OSBPL3: variants seen among roughly 807,000 people sequenced by gnomAD.
The protein encoded by OSBPL3 is oxysterol-binding protein-related protein 3.
Under a neutral mutation model 120.1 loss-of-function variants are expected in OSBPL3, and 65 were observed. The observed-to-expected ratio is 0.54, with a 90% CI of 0.44 to 0.67. OSBPL3 has a LOEUF of 0.67. Among genes scored for constraint, OSBPL3 ranks in the 30% least tolerant of loss-of-function variants. The pLI, the probability that OSBPL3 is intolerant of heterozygous loss-of-function variation, is 0.00. For synonymous variants in OSBPL3, 416 were observed against 402.6 expected (o/e 1.03, Z -0.40); for missense variants, 1,004 against 1,082.1 (o/e 0.93, Z 1.01).
chr7:24,914,778 C>G (rs1809312900), intron 1 of OSBPL3, among the ~76,000 whole-genome samples: 1 of 152,156 alleles, frequency 6.6e-6, no homozygotes, highest in African/African-American at 2.4e-5. Flanking sequence ...TACATGAGAT[C>G]AGCAGGGTTT....
chr7:24,886,516 C>T (rs938942918), intron 2 of OSBPL3, among the ~76,000 whole-genome samples: 1 of 152,236 alleles, frequency 6.6e-6, no homozygotes, highest in Admixed American at 6.5e-5. Flanking sequence ...CCCGCATGTT[C>T]TCCATGTATA....
intron 1 of OSBPL3, among the ~76,000 whole-genome samples, chr7:24,950,297 C>T (rs1814237101): frequency 6.6e-6 from 1 of 152,102 alleles, no homozygotes; most frequent in African/African-American, 2.4e-5. Flanking sequence ...TCTAGAGAAT[C>T]GAAATGCCTG....
intron 1 of OSBPL3, among the ~76,000 whole-genome samples, chr7:24,942,508 A>G (rs1813222553): frequency 6.6e-6 from 1 of 152,182 alleles, no homozygotes; most frequent in South Asian, 2.1e-4. Flanking sequence ...AGAATAGGGA[A>G]TCCTGCTATC....
rs1799333533 is a variant in OSBPL3, at chr7:24,852,842, T to A, written c.1028-208A>T. Among the ~76,000 whole-genome samples the A allele has an allele frequency of 6.6e-6, 1 of 152,182 alleles. No individual in the cohort carries two copies. The highest frequency in any genetic ancestry group is 1.5e-5 in the Non-Finnish European group (1 of 68,030). The stretch of plus-strand genomic sequence containing the variant: ...GTAAACTAAGGCCTCTGGATGATGA[T>A]GTGTCCACGTAGGTTCATTGACTGT... On this transcript the variant is annotated intron_variant, in intron 10 of 22. Coordinates refer to ENST00000313367, the MANE Select transcript of OSBPL3 (RefSeq NM_015550.4). This position sits in a 1 kb window ranked among gnomAD's most constrained non-coding sequence, Gnocchi z 4.1.
chr7:24,812,773 G>A (rs897561421), intron 19 of OSBPL3, among the ~76,000 whole-genome samples: 7 of 152,158 alleles, frequency 4.6e-5, no homozygotes, highest in Non-Finnish European at 8.8e-5. Flanking sequence ...GGTGGGGCAC[G>A]GAAGTGTCTC....
intron 15 of OSBPL3, among the ~76,000 whole-genome samples, chr7:24,832,768 G>T (rs1380731049): frequency 6.6e-6 from 1 of 152,190 alleles, no homozygotes; most frequent in Non-Finnish European, 1.5e-5. Context: ...ACAGAGCGAA[G>T]GGGAGGCAGA....
In OSBPL3 at chr7:24,808,058, G is replaced by C. The variant is rs1347722427; in HGVS notation, c.2318-1156C>G. On this transcript the variant is annotated intron_variant, in intron 20 of 22. Transcript: ENST00000313367. This position sits in a 1 kb window ranked among gnomAD's most constrained non-coding sequence, Gnocchi z 4.6. ...GACTACAGTAGATGCACACCACCAT[G>C]CCTGGCTAATCTTTGTATTTTTAGT... Among the ~76,000 whole-genome samples the C allele has an allele frequency of 1.3e-5, 2 of 152,058 alleles. No homozygotes were observed. The highest frequency in any genetic ancestry group is 2.9e-5 in the Non-Finnish European group (2 of 68,008).
intron 10 of OSBPL3, among the ~76,000 whole-genome samples, chr7:24,860,453 T>G (rs1800369605): frequency 6.6e-6 from 1 of 152,298 alleles, no homozygotes; most frequent in East Asian, 1.9e-4. Context: ...AGTAAATAAG[T>G]CTCATGAGAT....
rs989598649 is a variant in OSBPL3, at chr7:24,936,271, C to T, written c.-150+43615G>A. ...TCAAAGGAAGCTGAGACAGTGAATA[C>T]AGGCTGTTACTTAGGGCTAACTTTT... On this transcript the variant is annotated intron_variant, in intron 1 of 22. Coordinates refer to ENST00000313367, the MANE Select transcript of OSBPL3 (RefSeq NM_015550.4). This position sits in a 1 kb window ranked among gnomAD's most constrained non-coding sequence, Gnocchi z 4.2. Among the ~76,000 whole-genome samples, 3 of 152,162 alleles carry T rather than the reference C, an allele frequency of 2.0e-5. No individual in the cohort carries two copies. The highest frequency in any genetic ancestry group is 7.2e-5 in the African/African-American group (3 of 41,420).
chr7:24,828,606 G>GAAGAAAAAAA (rs1554349905), intron 16 of OSBPL3, among the ~76,000 whole-genome samples: 1 of 32,522 alleles, frequency 3.1e-5, no homozygotes, highest in Non-Finnish European at 5.3e-5. Flanking sequence ...GACTCTGTCT[G>GAAGAAAAAAA]AAAAAAAAAA....
At chr7:24,809,076 C>A (rs1266537043) in intron 20 of OSBPL3, among the ~76,000 whole-genome samples, 1 of 152,130 alleles carries the variant, frequency 6.6e-6, no homozygotes, top group Non-Finnish European at 1.5e-5. Flanking sequence ...GAGCCACCCC[C>A]CCCACTCACT....
intron 1 of OSBPL3, among the ~76,000 whole-genome samples, chr7:24,893,655 T>C (rs1805684180): frequency 7.1e-6 from 1 of 141,236 alleles, no homozygotes; most frequent in South Asian, 2.2e-4. Flanking sequence ...CTACTAAAAA[T>C]ACAAAAATTA....
chr7:24,798,315 C>T lies in OSBPL3; in HGVS notation c.*1868G>A, dbSNP rs1259406919. ...CTCTGGAGCAGGCCAATTTAACAGC[C>T]AATATTACCACGATTCTACATTTAT... On this transcript the variant is annotated 3_prime_UTR_variant, in exon 23 of 23. Coordinates refer to ENST00000313367, the MANE Select transcript of OSBPL3 (RefSeq NM_015550.4). The surrounding 1 kb of genome is among the most constrained non-coding windows in gnomAD (Gnocchi z 4.6). The T allele has an allele frequency of 1.3e-5, 2 of 152,192 alleles. No homozygotes were observed. Among genetic ancestry groups the T allele is most frequent in the African/African-American group, 4.8e-5 (2 of 41,440 alleles). The allele number at this position is 152,192 out of a possible 1,614,324, so 9.4% of individuals were successfully genotyped here.
rs563564701 is a variant in OSBPL3, at chr7:24,950,585, G to A, written c.-150+29301C>T. 5.8e-4 allele frequency among the ~76,000 whole-genome samples: 89 copies of A among 152,320 alleles called. 1 individual carries two copies. Among genetic ancestry groups the A allele is most frequent in the South Asian group, 8.3e-4 (4 of 4,824 alleles). ...AAAATACAAAAAATTAGCCAGGCGCGGTGGCGGGTGCCTGTAGTCCCAGCT... is the reference window on the plus strand; with the variant it reads ...AAAATACAAAAAATTAGCCAGGCGCAGTGGCGGGTGCCTGTAGTCCCAGCT... On this transcript the variant is annotated intron_variant, in intron 1 of 22. Coordinates refer to ENST00000313367, the MANE Select transcript of OSBPL3 (RefSeq NM_015550.4).
intron 1 of OSBPL3, among the ~76,000 whole-genome samples, chr7:24,895,574 C>A (rs1479635684): frequency 6.6e-6 from 1 of 152,180 alleles, no homozygotes; most frequent in Non-Finnish European, 1.5e-5. Context: ...TAGCCCAAGA[C>A]TAAGGTATCC....
intron 1 of OSBPL3, among the ~76,000 whole-genome samples, chr7:24,915,797 G>C (rs1047113730): frequency 1.3e-5 from 2 of 152,056 alleles, no homozygotes; most frequent in Non-Finnish European, 2.9e-5. Flanking sequence ...GACTGGTCTC[G>C]AACTTCTGAC....
intron 19 of OSBPL3, among the ~76,000 whole-genome samples, chr7:24,812,097 C>T (rs1439723039): frequency 3.3e-5 from 5 of 151,698 alleles, no homozygotes; most frequent in African/African-American, 9.7e-5. Context: ...ACTTGAGGTC[C>T]GGAGTTCGAG....
intron 5 of OSBPL3, 83 bp from the exon 6 acceptor site, chr7:24,866,320 C>T: frequency 9.8e-7 from 1 of 1,023,422 alleles, no homozygotes; most frequent in Admixed American, 1.9e-5. Context: ...AGGCCACTCT[C>T]AAAATCCTCT....
chr7:24,980,911 C>G (rs914954473), upstream of OSBPL3, among the ~76,000 whole-genome samples: 1 of 152,056 alleles, frequency 6.6e-6, no homozygotes, highest in Non-Finnish European at 1.5e-5. Flanking sequence ...TCCCACTAGC[C>G]CAATGGCCTT....
Sources: allele counts gnomAD v4.1 joint callset (sites outside exome capture counted in the v4.1 genomes callset), GRCh38; gene constraint gnomAD v4.1.1; non-coding constraint Gnocchi (gnomAD v3.1); transcripts MANE v1.5; gene names NCBI Gene and HGNC (gene_info 2026-07-23, HGNC 2026-07-21).